Variants in RNF144A observed in about 807,000 individuals in gnomAD.
RNF144A encodes the protein ring finger protein 144A, also known as E3 ubiquitin-protein ligase RNF144A.
In RNF144A, 11 loss-of-function variants were observed where a neutral mutation model predicts 38.7. That is an observed-to-expected ratio of 0.28 (90% confidence interval 0.18 to 0.47). The LOEUF is 0.47. RNF144A is among the 20% of genes least tolerant of loss of function. The pLI is 0.99. For missense variants in RNF144A, 316 were observed against 377.2 expected (o/e 0.84, Z 1.34); for synonymous variants, 149 against 143.9 (o/e 1.04, Z -0.25).
At chr2:7,012,571 C>A (rs1670885584) in intron 3 of RNF144A, among the ~76,000 whole-genome samples, 1 of 152,220 alleles carries the variant, frequency 6.6e-6, no homozygotes, top group Non-Finnish European at 1.5e-5. Context: ...GATCTGCCAA[C>A]TGTTCTGCTC....
downstream of RNF144A, among the ~76,000 whole-genome samples, chr2:7,049,042 G>T (rs1392165967): frequency 6.6e-6 from 1 of 152,250 alleles, no homozygotes; most frequent in Non-Finnish European, 1.5e-5. Context: ...CTATGAGAGG[G>T]TTTGTGGGGC....
At position 6,929,884 on chromosome 2, in the gene RNF144A, A is replaced by T. The variant is rs552186183; in HGVS notation, c.-211-11064A>T. Among the ~76,000 whole-genome samples, 8 of 152,350 alleles carry T rather than the reference A, an allele frequency of 5.3e-5. No individual in the cohort carries two copies. In the East Asian group the frequency reaches 1.5e-3, roughly 29 times the overall value. ...AAACAATTCTAAGAGAAAGTAGCTAAAAAAGTGCATTTTCGAATATGATGA... is the reference window on the plus strand; with the variant it reads ...AAACAATTCTAAGAGAAAGTAGCTATAAAAGTGCATTTTCGAATATGATGA... On this transcript the variant is annotated intron_variant, in intron 1 of 8. Coordinates refer to ENST00000320892, the MANE Select transcript of RNF144A (RefSeq NM_014746.6).
At chr2:7,075,726 C>G in the RNF144A span, among the ~76,000 whole-genome samples, 3 of 152,164 alleles carry the variant, frequency 2.0e-5, no homozygotes, top group Non-Finnish European at 4.4e-5. Flanking sequence ...TACCCAGTCT[C>G]AGGTGTTCTA....
chr2:7,045,589 G>A (rs945676437), downstream of RNF144A, among the ~76,000 whole-genome samples: 3 of 152,188 alleles, frequency 2.0e-5, no homozygotes, highest in African/African-American at 7.2e-5. Flanking sequence ...TATTGGATTA[G>A]AGCCTACCCT....
chr2:7,025,640 C>G (rs1572429648), intron 7 of RNF144A, among the ~76,000 whole-genome samples: 1 of 152,168 alleles, frequency 6.6e-6, no homozygotes, highest in East Asian at 1.9e-4. Context: ...CCACTGCACT[C>G]CAGCCTCGGC....
chr2:6,953,802 A>T (rs1168661517), intron 2 of RNF144A, among the ~76,000 whole-genome samples: 1 of 152,142 alleles, frequency 6.6e-6, no homozygotes. Context: ...CATTTTCACT[A>T]GTTTTGCATG....
At chr2:6,955,134 T>TG (rs1666921824) in intron 2 of RNF144A, among the ~76,000 whole-genome samples, 1 of 152,196 alleles carries the variant, frequency 6.6e-6, no homozygotes, top group African/African-American at 2.4e-5. Flanking sequence ...TTGATTGTTT[T>TG]ACTCTAAGGC....
At chr2:6,968,477 T>C (rs1667806207) in intron 2 of RNF144A, among the ~76,000 whole-genome samples, 1 of 152,176 alleles carries the variant, frequency 6.6e-6, no homozygotes, top group African/African-American at 2.4e-5. Flanking sequence ...TGATTTATTC[T>C]GGGAACATGA....
chr2:7,058,604 A>C (rs1673833006), intron 6 of RNF144A, among the ~76,000 whole-genome samples: 1 of 152,216 alleles, frequency 6.6e-6, no homozygotes, highest in Non-Finnish European at 1.5e-5. Flanking sequence ...TTTTTATTAA[A>C]CATAGCTCTA....
At chr2:7,005,092 AG>A (rs1670355231) in intron 3 of RNF144A, among the ~76,000 whole-genome samples, 1 of 152,266 alleles carries the variant, frequency 6.6e-6, no homozygotes, top group Non-Finnish European at 1.5e-5. Context: ...CAGATTAAGA[AG>A]AAACTAAATA....
intron 2 of RNF144A, among the ~76,000 whole-genome samples, chr2:6,996,433 A>C (rs753975199): frequency 6.6e-6 from 1 of 152,166 alleles, no homozygotes; most frequent in Non-Finnish European, 1.5e-5. Flanking sequence ...GAGGGCAGAC[A>C]TGAAAGTTAC....
At position 7,062,194 on chromosome 2, in the gene RNF144A, G is replaced by C. The variant is rs186606135; in HGVS notation, c.735-6022G>C. ...TCTGTTTCATGCAGTTTCTAATTAG[G>C]TTTGGCAGGAATTGTCTTCAGTGCA... is the stretch of plus-strand genomic sequence containing the variant. On this transcript the variant is annotated intron_variant, in intron 6 of 6. Transcript: ENST00000432850. Among the ~76,000 whole-genome samples the C allele has an allele frequency of 2.0e-4, 31 of 152,282 alleles. No homozygotes were observed. In the East Asian group the frequency reaches 5.4e-3, roughly 26 times the overall value.
At chr2:7,071,611 A>C (rs1401271296), downstream of RNF144A, among the ~76,000 whole-genome samples, 2 of 152,206 alleles carry the variant, frequency 1.3e-5, no homozygotes, top group Non-Finnish European at 2.9e-5. Context: ...GGTAAAGTAT[A>C]AGAAGGAGGC....
intron 2 of RNF144A, among the ~76,000 whole-genome samples, chr2:6,942,200 G>C (rs747813010): frequency 7.9e-5 from 12 of 151,982 alleles, no homozygotes; most frequent in Non-Finnish European, 1.6e-4. Context: ...GAGTTCAGGA[G>C]ACCATCTCAG....
downstream of RNF144A, among the ~76,000 whole-genome samples, chr2:7,071,943 G>A (rs1381307522): frequency 6.6e-6 from 1 of 152,208 alleles, no homozygotes; most frequent in African/African-American, 2.4e-5. Context: ...TGGAACTCCA[G>A]TGTCTGCTCC....
At chr2:7,036,473 C>T (rs1287213247) in intron 8 of RNF144A, among the ~76,000 whole-genome samples, 1 of 152,182 alleles carries the variant, frequency 6.6e-6, no homozygotes, top group Non-Finnish European at 1.5e-5. Flanking sequence ...TCCAGAAATG[C>T]TTATGTCCTG....
intron 1 of RNF144A, among the ~76,000 whole-genome samples, chr2:6,924,425 A>G (rs771286): frequency 0.83 from 125,781 of 152,244 alleles, 53,015 homozygotes; most frequent in Non-Finnish European, 0.92. Flanking sequence ...ATCCGAGCGC[A>G]TGTCCTGGGA....
chr2:6,943,282 C>G lies in RNF144A; in HGVS notation c.-12+2135C>G, dbSNP rs1666132323. Among the ~76,000 whole-genome samples, 1 of 152,148 alleles carries G rather than the reference C, an allele frequency of 6.6e-6. No individual in the cohort carries two copies. The highest frequency in any genetic ancestry group is 1.5e-5 in the Non-Finnish European group (1 of 68,014). Reference sequence around the variant, plus strand: ...GCAAAGGAGAACAAGAGGGAACAACCAGGGAGGAAGCGGGGGAACCAGGAG... The same window carrying G: ...GCAAAGGAGAACAAGAGGGAACAACGAGGGAGGAAGCGGGGGAACCAGGAG... On this transcript the variant is annotated intron_variant, in intron 2 of 8. Coordinates refer to ENST00000320892, the MANE Select transcript of RNF144A (RefSeq NM_014746.6). This position sits in a 1 kb window ranked among gnomAD's most constrained non-coding sequence, Gnocchi z 4.3.
At chr2:6,964,523 A>G (rs1390943509) in intron 2 of RNF144A, among the ~76,000 whole-genome samples, 2 of 152,336 alleles carry the variant, frequency 1.3e-5, no homozygotes, top group Admixed American at 1.3e-4. Flanking sequence ...ATGCACACGT[A>G]TGTTTATTGT....
Sources: gnomAD v4.1 joint callset for allele counts (sites outside exome capture counted in the v4.1 genomes callset) on GRCh38, gnomAD v4.1.1 for gene constraint, Gnocchi (gnomAD v3.1) non-coding constraint, MANE v1.5 for transcripts, NCBI Gene and HGNC (gene_info 2026-07-23, HGNC 2026-07-21) for gene names.